TYW1B: variants seen among roughly 807,000 people sequenced by gnomAD.
TYW1B encodes tRNA-yW synthesizing protein 1 homolog B.
In TYW1B, 73 loss-of-function variants were observed where a neutral mutation model predicts 86.9. The ratio of observed to expected loss-of-function variants is 0.84; its 90% CI spans 0.70 to 1.02. The LOEUF (loss-of-function observed/expected upper bound fraction) is 1.02. TYW1B is among the 50% of genes least tolerant of loss of function. TYW1B has a pLI of 0.00. For missense variants in TYW1B, 637 were observed against 827.4 expected (o/e 0.77, Z 2.82); for synonymous variants, 248 against 292.8 (o/e 0.85, Z 1.56).
chr7:72,644,502 C>A (rs1304637338), intron 11 of TYW1B, among the ~76,000 whole-genome samples: 1 of 152,070 alleles, frequency 6.6e-6, no homozygotes, highest in East Asian at 1.9e-4. Flanking sequence ...AAAATGAGAT[C>A]GTGCTACTGC....
intron 10 of TYW1B, 132 bp downstream of exon 10, chr7:72,713,489 C>A: frequency 1.1e-6 from 1 of 914,480 alleles, no homozygotes; most frequent in Non-Finnish European, 1.6e-6. Context: ...ACCATCTTCA[C>A]CTCCCAAAGC....
At chr7:72,579,041 A>C (rs1811088104) in intron 13 of TYW1B, among the ~76,000 whole-genome samples, 1 of 151,968 alleles carries the variant, frequency 6.6e-6, no homozygotes, top group South Asian at 2.1e-4. Flanking sequence ...TGAGCAATAC[A>C]ATGGACTTAA....
chr7:72,773,940 G>A (rs1373995822), intron 7 of TYW1B, among the ~76,000 whole-genome samples: 7 of 151,366 alleles, frequency 4.6e-5, no homozygotes, highest in Admixed American at 1.3e-4. Context: ...TGGCGCATGC[G>A]TGTAATCCCA....
chr7:72,802,926 T>C (rs1788428512), intron 5 of TYW1B, among the ~76,000 whole-genome samples: 1 of 152,100 alleles, frequency 6.6e-6, no homozygotes, highest in South Asian at 2.1e-4. Flanking sequence ...CGGCTGTCTA[T>C]AAATTCTTAC....
At chr7:72,666,365 G>A (rs6977128) in intron 11 of TYW1B, among the ~76,000 whole-genome samples, 169 of 152,324 alleles carry the variant, frequency 1.1e-3, no homozygotes, top group African/African-American at 3.9e-3. Flanking sequence ...GGCGGAGGCT[G>A]CAGTGAGCTG....
intron 7 of TYW1B, among the ~76,000 whole-genome samples, chr7:72,761,604 T>A (rs778947400): frequency 2.1e-5 from 3 of 141,516 alleles, no homozygotes; most frequent in Non-Finnish European, 4.7e-5. Flanking sequence ...AAAAAAAAAA[T>A]TAAAGTTTTT....
chr7:72,658,811 C>A (rs1813264697), intron 11 of TYW1B, among the ~76,000 whole-genome samples: 1 of 152,144 alleles, frequency 6.6e-6, no homozygotes, highest in South Asian at 2.1e-4. Context: ...ACCTCCACCT[C>A]CCGTGTTCAA....
chr7:72,602,537 T>C (rs1811689472), intron 13 of TYW1B, among the ~76,000 whole-genome samples: 1 of 152,150 alleles, frequency 6.6e-6, no homozygotes, highest in African/African-American at 2.4e-5. Context: ...GAGCTTGATT[T>C]CTAACACCAT....
At chr7:72,617,842 A>C (rs1290838463) in intron 12 of TYW1B, among the ~76,000 whole-genome samples, 2 of 152,126 alleles carry the variant, frequency 1.3e-5, no homozygotes, top group Non-Finnish European at 2.9e-5. Context: ...AGAAAGTTAA[A>C]TTATCTAACT....
chr7:72,727,930 C>T (rs1436116275), intron 9 of TYW1B, among the ~76,000 whole-genome samples: 8 of 151,898 alleles, frequency 5.3e-5, no homozygotes, highest in African/African-American at 1.2e-4. Flanking sequence ...CAGATGATTC[C>T]GATGCATGAT....
chr7:72,761,356 C>A (rs1563085160), intron 7 of TYW1B, among the ~76,000 whole-genome samples: 1 of 151,912 alleles, frequency 6.6e-6, no homozygotes, highest in Admixed American at 6.6e-5. Context: ...ATGTATAATT[C>A]TATATATAAA....
At chr7:72,746,767 C>T (rs575190337) in intron 7 of TYW1B, among the ~76,000 whole-genome samples, 5 of 152,098 alleles carry the variant, frequency 3.3e-5, no homozygotes, top group South Asian at 2.1e-4. Flanking sequence ...AAGGTAGCTT[C>T]GCGAAAGGAC....
intron 7 of TYW1B, among the ~76,000 whole-genome samples, chr7:72,760,594 C>G (rs1329498396): frequency 6.6e-6 from 1 of 152,124 alleles, no homozygotes; most frequent in Admixed American, 6.6e-5. Flanking sequence ...GGCAAGAAGT[C>G]CCTTAAAGAG....
intron 7 of TYW1B, among the ~76,000 whole-genome samples, chr7:72,761,488 G>C (rs964853636): frequency 6.6e-6 from 1 of 151,878 alleles, no homozygotes; most frequent in Admixed American, 6.6e-5. Context: ...ATACGAGGGA[G>C]GCTGAGGTAG....
chr7:72,632,414 T>TATATATATAATATATATATAC (rs1812547509), intron 11 of TYW1B, among the ~76,000 whole-genome samples: 1 of 107,092 alleles, frequency 9.3e-6, no homozygotes, highest in South Asian at 2.4e-4. Context: ...TATATATACA[T>TATATATATAATATATATATAC]ATATATATAA....
chr7:72,741,541 A>C (rs1345657084), intron 8 of TYW1B, among the ~76,000 whole-genome samples: 3 of 152,188 alleles, frequency 2.0e-5, no homozygotes, highest in African/African-American at 4.8e-5. Flanking sequence ...AAGTTCCAGA[A>C]GGAGATAAGA....
At chr7:72,672,260 C>T (rs1407957867) in intron 11 of TYW1B, among the ~76,000 whole-genome samples, 1 of 151,902 alleles carries the variant, frequency 6.6e-6, no homozygotes, top group Non-Finnish European at 1.5e-5. Flanking sequence ...CCCATTAAAC[C>T]TCTTTGTTTT....
rs190653279 is a variant in TYW1B at position 72,628,193 on chromosome 7, G to A, written c.1617+694C>T. ...AGCTACTCAGGAGGCTGAGGCAGGAGGACTGCTGGAGCCCAAGAGTTGGAG... is the reference window on the plus strand; with the variant it reads ...AGCTACTCAGGAGGCTGAGGCAGGAAGACTGCTGGAGCCCAAGAGTTGGAG... On this transcript the variant is annotated intron_variant, in intron 12 of 13. Transcript: ENST00000620995. Among the ~76,000 whole-genome samples, 172 of 152,286 alleles carry A rather than the reference G, an allele frequency of 1.1e-3. 2 individuals are homozygous for A. Among genetic ancestry groups the A allele is most frequent in the Non-Finnish European group, 2.1e-3 (145 of 68,026 alleles).
intron 7 of TYW1B, among the ~76,000 whole-genome samples, chr7:72,754,174 C>CT (rs782335159): frequency 3.9e-5 from 6 of 152,150 alleles, no homozygotes; most frequent in Non-Finnish European, 2.9e-5. Flanking sequence ...GAGTCTCGCT[C>CT]TGTTGCCCAG....
Sources: allele counts gnomAD v4.1 joint callset (sites outside exome capture counted in the v4.1 genomes callset), GRCh38; gene constraint gnomAD v4.1.1; transcripts MANE v1.5; gene names NCBI Gene and HGNC (gene_info 2026-07-23, HGNC 2026-07-21).